ANO2: variants seen among roughly 807,000 people sequenced by gnomAD.
ANO2 encodes anoctamin 2, also known as anoctamin-2.
Under a neutral mutation model 124.2 loss-of-function variants are expected in ANO2, and 101 were observed. That is an observed-to-expected ratio of 0.81 (90% CI 0.69 to 0.96). The LOEUF (loss-of-function observed/expected upper bound fraction) is 0.96. Among genes scored for constraint, ANO2 ranks in the 40% least tolerant of loss-of-function variants. ANO2 has a pLI of 0.00. For synonymous variants in ANO2, 486 were observed against 482.5 expected (o/e 1.01, Z -0.09); for missense variants, 1,293 against 1,274.5 (o/e 1.01, Z -0.22).
At chr12:5,762,948 A>G (rs1216701684) in intron 10 of ANO2, among the ~76,000 whole-genome samples, 1 of 151,980 alleles carries the variant, frequency 6.6e-6, no homozygotes, top group East Asian at 1.9e-4. Flanking sequence ...AGTCTTTTCA[A>G]TATGAAAAGA....
At chr12:5,674,245 G>A (rs1439383602) in intron 14 of ANO2, among the ~76,000 whole-genome samples, 4 of 152,236 alleles carry the variant, frequency 2.6e-5, no homozygotes, top group Non-Finnish European at 4.4e-5. Flanking sequence ...ATGGGCAAAG[G>A]AAAGAAGAGT....
chr12:5,797,308 C>T (rs997848405), intron 10 of ANO2, among the ~76,000 whole-genome samples: 2 of 152,080 alleles, frequency 1.3e-5, no homozygotes, highest in African/African-American at 4.8e-5. Flanking sequence ...AGAAGAATCC[C>T]CAAGACTCAC....
At chr12:5,688,203 G>A (rs1948783297) in intron 14 of ANO2, among the ~76,000 whole-genome samples, 1 of 152,178 alleles carries the variant, frequency 6.6e-6, no homozygotes, top group African/African-American at 2.4e-5. Context: ...CCTGAGCAGT[G>A]GGGCTGAGCT....
intron 3 of ANO2, among the ~76,000 whole-genome samples, chr12:5,885,087 T>C (rs1252270661): frequency 1.3e-5 from 2 of 152,202 alleles, no homozygotes; most frequent in Admixed American, 1.3e-4. Context: ...CCGAACAAAA[T>C]TTCCTTTGGT....
intron 10 of ANO2, among the ~76,000 whole-genome samples, chr12:5,778,584 A>G (rs1952297474): frequency 6.6e-6 from 1 of 152,248 alleles, no homozygotes; most frequent in Non-Finnish European, 1.5e-5. Flanking sequence ...ATGGCATAGC[A>G]TAATGTAATT....
chr12:5,810,383 C>T (rs372900253), intron 7 of ANO2, among the ~76,000 whole-genome samples: 7 of 152,118 alleles, frequency 4.6e-5, no homozygotes, highest in African/African-American at 1.4e-4. Flanking sequence ...AATAATCAAA[C>T]GTTTTTAAAA....
chr12:5,694,035 G>T (rs1273699028), intron 14 of ANO2, among the ~76,000 whole-genome samples: 1 of 152,120 alleles, frequency 6.6e-6, no homozygotes, highest in African/African-American at 2.4e-5. Context: ...CCCCTTGAGA[G>T]CAGGGATTTG....
chr12:5,768,876 G>A (rs1347085718), intron 10 of ANO2, among the ~76,000 whole-genome samples: 1 of 152,142 alleles, frequency 6.6e-6, no homozygotes, highest in African/African-American at 2.4e-5. Flanking sequence ...GGGAATTCTT[G>A]AGAACTCACA....
At chr12:5,899,379 T>C (rs1263823678) in intron 3 of ANO2, among the ~76,000 whole-genome samples, 1 of 152,152 alleles carries the variant, frequency 6.6e-6, no homozygotes, top group Non-Finnish European at 1.5e-5. Flanking sequence ...TCAGAGACTT[T>C]GGATTCTGAG....
At chr12:5,732,933 T>TTC in intron 13 of ANO2, 2 of 1,606,898 alleles carry the variant, frequency 1.2e-6, no homozygotes, top group Non-Finnish European at 1.7e-6. Context: ...GGATGGCTGA[T>TTC]ACGAAGAGGG....
chr12:5,783,024 T>C (rs1311949210), intron 10 of ANO2, among the ~76,000 whole-genome samples: 1 of 152,096 alleles, frequency 6.6e-6, no homozygotes, highest in East Asian at 1.9e-4. Context: ...AGCTCAAAGG[T>C]GATGACCCAC....
intron 7 of ANO2, among the ~76,000 whole-genome samples, chr12:5,824,588 T>C (rs973011897): frequency 2.0e-5 from 3 of 152,202 alleles, no homozygotes; most frequent in Admixed American, 6.5e-5. Context: ...AACAAGTCTC[T>C]AGGAAGTTCC....
chr12:5,918,849 G>A (rs1941529916), intron 3 of ANO2, among the ~76,000 whole-genome samples: 1 of 152,162 alleles, frequency 6.6e-6, no homozygotes, highest in African/African-American at 2.4e-5. Flanking sequence ...TTATGTACCA[G>A]ACATTGTGCT....
intron 1 of ANO2, among the ~76,000 whole-genome samples, chr12:5,941,190 A>G (rs751820598): frequency 2.0e-5 from 3 of 152,214 alleles, no homozygotes; most frequent in Non-Finnish European, 4.4e-5. Context: ...TGATGGTTGA[A>G]CAACTCTGTG....
At chr12:5,705,207 G>C (rs936518442) in intron 14 of ANO2, among the ~76,000 whole-genome samples, 57 of 152,086 alleles carry the variant, frequency 3.7e-4, no homozygotes, top group Admixed American at 4.6e-4. Flanking sequence ...TAGCTATGTG[G>C]GTAGTTAACT....
chr12:5,878,065 C>T (rs1436860455), intron 3 of ANO2, among the ~76,000 whole-genome samples: 1 of 152,190 alleles, frequency 6.6e-6, no homozygotes, highest in East Asian at 1.9e-4. Flanking sequence ...AGGGAATGTA[C>T]CACTATAAAT....
chr12:5,796,481 A>AC, intron 10 of ANO2, among the ~76,000 whole-genome samples: 1 of 140,828 alleles, frequency 7.1e-6, no homozygotes, highest in Non-Finnish European at 1.5e-5. Flanking sequence ...CACACACACA[A>AC]ACTCACAACA....
intron 1 of ANO2, among the ~76,000 whole-genome samples, chr12:5,943,668 A>T (rs1412610602): frequency 6.6e-6 from 1 of 152,194 alleles, no homozygotes; most frequent in African/African-American, 2.4e-5. Flanking sequence ...TGACATTTTT[A>T]AAACAATTTT....
rs572312335 is a variant in ANO2 at position 5,691,988 on chromosome 12, C to T, written c.1545+40532G>A. 3.3e-5 allele frequency among the ~76,000 whole-genome samples: 5 copies of T among 151,958 alleles called. No homozygotes were observed. The South Asian group carries it at 1.0e-3, about 32-fold the overall frequency. On this transcript the variant is annotated intron_variant, in intron 14 of 24. Transcript: ENST00000682330. ...AAGATGGCAGCCAGATCTTGTGAGG[C>T]CTGGTGGGCTATAATGGGGAAAGTC...
Sources: gnomAD v4.1 joint callset for allele counts (sites outside exome capture counted in the v4.1 genomes callset) on GRCh38, gnomAD v4.1.1 for gene constraint, MANE v1.5 for transcripts, NCBI Gene and HGNC (gene_info 2026-07-23, HGNC 2026-07-21) for gene names.